The following SYT16 variants were observed in gnomAD, a reference collection of about 807,000 sequenced individuals.
SYT16 encodes the protein synaptotagmin-16.
SYT16 carries 42 observed loss-of-function variants against 61.4 expected under a neutral mutation model. That is an observed-to-expected ratio of 0.68 (90% CI 0.53 to 0.89). SYT16 has a LOEUF of 0.89. Among genes scored for constraint, SYT16 ranks in the 40% least tolerant of loss-of-function variants. The pLI is 0.00. For synonymous variants in SYT16, 314 were observed against 302.3 expected (o/e 1.04, Z -0.40); for missense variants, 804 against 807.3 (o/e 1.00, Z 0.05).
Position 61,974,708 on chromosome 14 carries a change from A to C in SYT16, c.-145+4397A>C, listed in dbSNP as rs114240338. ...TGAAATTGACCGAGTTACTTTGAGTAGCAAGTTTAAGTTTAGTTTCTCAAC... is the reference window on the plus strand; with the variant it reads ...TGAAATTGACCGAGTTACTTTGAGTCGCAAGTTTAAGTTTAGTTTCTCAAC... On this transcript the variant is annotated intron_variant, in intron 2 of 7. Transcript: ENST00000683842. Among the ~76,000 whole-genome samples the C allele has an allele frequency of 2.7e-3, 405 of 152,374 alleles. 2 individuals are homozygous for C. Among genetic ancestry groups the C allele is most frequent in the African/African-American group, 9.4e-3 (389 of 41,592 alleles).
chr14:61,864,938 C>A, intron 1 of SYT16: 2 of 1,300,598 alleles, frequency 1.5e-6, no homozygotes, highest in Non-Finnish European at 1.1e-6. Context: ...CCTGGGCTGC[C>A]TGCAGGCCTT....
chr14:61,890,294 G>C (rs1231398163), intron 1 of SYT16, among the ~76,000 whole-genome samples: 2 of 152,152 alleles, frequency 1.3e-5, no homozygotes, highest in East Asian at 3.9e-4. Context: ...CCAGAGCTTT[G>C]GATATGGGGC....
At chr14:62,034,317 G>A (rs1359628564) in intron 3 of SYT16, among the ~76,000 whole-genome samples, 1 of 152,118 alleles carries the variant, frequency 6.6e-6, no homozygotes, top group African/African-American at 2.4e-5. Flanking sequence ...ATTAAACATA[G>A]AGTTACCATA....
intron 3 of SYT16, among the ~76,000 whole-genome samples, chr14:62,061,143 A>C (rs563218428): frequency 1.9e-4 from 29 of 152,266 alleles, no homozygotes; most frequent in African/African-American, 7.0e-4. Flanking sequence ...TGTATAATGC[A>C]ACGTGTAAAT....
chr14:62,034,266 G>T (rs1194631958), intron 3 of SYT16, among the ~76,000 whole-genome samples: 4 of 152,120 alleles, frequency 2.6e-5, no homozygotes, highest in Non-Finnish European at 5.9e-5. Context: ...ATGTTAAATT[G>T]TTTAGCCCCT....
At position 62,100,461 on chromosome 14, in the gene SYT16, T is replaced by G. The variant is rs1249944587; in HGVS notation, c.1692T>G (p.Ile564Met). ...AGATGTCCCGTTGCAAGACGTCCAT[T>G]CGGCGTGGTCAGCCCAATCCTGTCT... is the stretch of plus-strand genomic sequence containing the variant. ...GQEMSRCKTS[I>M]RRGQPNPVYK... Residue 564 changes from isoleucine to methionine, a missense_variant, in exon 8 of 8, where the codon ATT (isoleucine) becomes ATG (methionine). Ile to Met is a conservative substitution (Grantham distance 10, BLOSUM62 1). Transcript: ENST00000683842. 6.2e-7 allele frequency: 1 copy of G among 1,613,416 alleles called. No homozygotes were observed. Among genetic ancestry groups the G allele is most frequent in the Non-Finnish European group, 8.5e-7 (1 of 1,179,710 alleles).
intron 3 of SYT16, among the ~76,000 whole-genome samples, chr14:62,015,382 T>A (rs985433376): frequency 1.3e-5 from 2 of 152,132 alleles, no homozygotes; most frequent in African/African-American, 4.8e-5. Flanking sequence ...AGTGTAAATA[T>A]CCTATAAATA....
chr14:61,837,467 G>A (rs987104773), intron 1 of SYT16, among the ~76,000 whole-genome samples: 8 of 152,076 alleles, frequency 5.3e-5, no homozygotes, highest in African/African-American at 1.9e-4. Flanking sequence ...TCGAACTCCT[G>A]GCTTCAAGTG....
intron 1 of SYT16, among the ~76,000 whole-genome samples, chr14:61,943,788 C>A (rs540481171): frequency 3.9e-4 from 59 of 152,212 alleles, no homozygotes; most frequent in Middle Eastern, 3.4e-3. Context: ...ATTGAATGGG[C>A]AAAATGTGGA....
chr14:61,821,362 A>G (rs2045613508), intron 1 of SYT16, among the ~76,000 whole-genome samples: 1 of 152,134 alleles, frequency 6.6e-6, no homozygotes, highest in Admixed American at 6.5e-5. Context: ...ATTGCTGCAT[A>G]ACAAATTACC....
chr14:62,056,016 A>G (rs1055646259), intron 3 of SYT16, among the ~76,000 whole-genome samples: 2 of 151,356 alleles, frequency 1.3e-5, no homozygotes, highest in Admixed American at 6.6e-5. Context: ...TGGAGGCCAG[A>G]AGACTCAGCC....
At chr14:62,044,334 G>T (rs1423752541) in intron 3 of SYT16, among the ~76,000 whole-genome samples, 1 of 152,096 alleles carries the variant, frequency 6.6e-6, no homozygotes, top group Non-Finnish European at 1.5e-5. Flanking sequence ...TGCAGAATGT[G>T]CAGGTTTGTT....
At chr14:61,941,865 A>G (rs1202747302) in intron 1 of SYT16, among the ~76,000 whole-genome samples, 1 of 152,266 alleles carries the variant, frequency 6.6e-6, no homozygotes, top group Non-Finnish European at 1.5e-5. Context: ...ATACAAGTCA[A>G]TAAGCTTTTT....
intron 7 of SYT16, among the ~76,000 whole-genome samples, chr14:62,100,045 G>T (rs1338825472): frequency 6.6e-6 from 1 of 152,194 alleles, no homozygotes; most frequent in Non-Finnish European, 1.5e-5. Flanking sequence ...TATTTATCTT[G>T]TTACATAAAT....
intron 3 of SYT16, 108 bp from the exon 4 acceptor site, chr14:62,069,495 G>A (rs372919705): frequency 3.3e-5 from 38 of 1,151,888 alleles, no homozygotes; most frequent in East Asian, 2.4e-4. Flanking sequence ...GTGTGCCTTC[G>A]TTCAAACTCA....
intron 1 of SYT16, among the ~76,000 whole-genome samples, chr14:61,944,717 C>A (rs149554250): frequency 5.3e-5 from 8 of 152,302 alleles, no homozygotes; most frequent in African/African-American, 1.7e-4. Flanking sequence ...CCCTTCCTTA[C>A]ACCTTATACA....
chr14:61,942,343 T>C (rs999878736), intron 1 of SYT16, among the ~76,000 whole-genome samples: 3 of 152,210 alleles, frequency 2.0e-5, no homozygotes, highest in Admixed American at 6.5e-5. Flanking sequence ...CAGTCATGAA[T>C]GGATGCTCAG....
chr14:61,881,975 A>G (rs1312878903), intron 1 of SYT16, among the ~76,000 whole-genome samples: 1 of 152,094 alleles, frequency 6.6e-6, no homozygotes, highest in Non-Finnish European at 1.5e-5. Context: ...TCCCAAATTC[A>G]TCCTCTTCCT....
At chr14:61,865,548 A>G (rs2047121182) in intron 1 of SYT16, among the ~76,000 whole-genome samples, 1 of 152,236 alleles carries the variant, frequency 6.6e-6, no homozygotes, top group African/African-American at 2.4e-5. Context: ...CACAGTACTA[A>G]GGTGACTGGT....
Sources: gnomAD v4.1 joint callset for allele counts (sites outside exome capture counted in the v4.1 genomes callset) on GRCh38, gnomAD v4.1.1 for gene constraint, MANE v1.5 for transcripts, NCBI Gene and HGNC (gene_info 2026-07-23, HGNC 2026-07-21) for gene names.